NCAM2: variants seen among roughly 807,000 people sequenced by gnomAD.
NCAM2 encodes the protein N-CAM-2.
NCAM2 carries 30 observed loss-of-function variants against 98.1 expected under a neutral mutation model. The observed-to-expected ratio is 0.31, with a 90% CI of 0.23 to 0.41. The LOEUF (loss-of-function observed/expected upper bound fraction) is 0.41, where lower values mean the gene tolerates loss of function less well. Ranked by LOEUF, NCAM2 falls within the 10% of genes least tolerant of loss-of-function variation. NCAM2 has a pLI of 1.00. For synonymous variants in NCAM2, 368 were observed against 342.4 expected (o/e 1.07, Z -0.83); for missense variants, 867 against 1,005.8 (o/e 0.86, Z 1.87).
chr21:21,060,726 A>G (rs910222712), intron 1 of NCAM2, among the ~76,000 whole-genome samples: 1 of 152,148 alleles, frequency 6.6e-6, no homozygotes, highest in African/African-American at 2.4e-5. Context: ...ATTTACCCAC[A>G]CATATAGTTT....
chr21:21,005,449 T>A (rs556344471), intron 1 of NCAM2, among the ~76,000 whole-genome samples: 1 of 152,334 alleles, frequency 6.6e-6, no homozygotes, highest in Non-Finnish European at 1.5e-5. Flanking sequence ...TTTCAGTAAT[T>A]TTTAACTTGT....
At chr21:21,428,375 G>C (rs2077260222) in intron 11 of NCAM2, among the ~76,000 whole-genome samples, 1 of 152,178 alleles carries the variant, frequency 6.6e-6, no homozygotes, top group African/African-American at 2.4e-5. Context: ...TACACCCAGT[G>C]CATTAGATAA....
chr21:21,404,884 A>G (rs537920643), intron 9 of NCAM2, among the ~76,000 whole-genome samples: 78 of 151,482 alleles, frequency 5.1e-4, no homozygotes, highest in African/African-American at 1.8e-3. Flanking sequence ...TACAAAAGCA[A>G]CTTTACAATA....
At chr21:21,513,088 A>G (rs1157975220) in intron 16 of NCAM2, among the ~76,000 whole-genome samples, 1 of 151,994 alleles carries the variant, frequency 6.6e-6, no homozygotes, top group Non-Finnish European at 1.5e-5. Context: ...TATCTTTCTT[A>G]ATTGCCCTGG....
intron 12 of NCAM2, among the ~76,000 whole-genome samples, chr21:21,438,831 CCAA>C (rs1978794283): frequency 2.0e-5 from 3 of 151,878 alleles, no homozygotes; most frequent in African/African-American, 7.3e-5. Flanking sequence ...GCTTGTGAAA[CCAA>C]CATTTTGGGA....
chr21:21,098,464 TA>T (rs1455996957), intron 1 of NCAM2, among the ~76,000 whole-genome samples: 2 of 151,796 alleles, frequency 1.3e-5, no homozygotes, highest in Non-Finnish European at 2.9e-5. Flanking sequence ...CATATTATAT[TA>T]AACATATCCA....
intron 12 of NCAM2, among the ~76,000 whole-genome samples, chr21:21,463,482 T>A (rs1159847829): frequency 1.3e-5 from 2 of 152,164 alleles, no homozygotes; most frequent in African/African-American, 4.8e-5. Flanking sequence ...CTCTTCCCTA[T>A]AATTTTAAAG....
At position 21,361,227 on chromosome 21, in the gene NCAM2, T is replaced by TAC. The variant is rs143161852; in HGVS notation, c.1045-12622_1045-12621dup. ...TTAAAGCTATTCTTATTTCTCTTGA[T>TAC]ACACACACACACACAAACACATACA... On this transcript the variant is annotated intron_variant, in intron 8 of 17. Coordinates refer to ENST00000400546, the MANE Select transcript of NCAM2 (RefSeq NM_004540.5). 6.3e-4 allele frequency among the ~76,000 whole-genome samples: 95 copies of TAC among 151,556 alleles called. 1 individual carries two copies. Among genetic ancestry groups the TAC allele is most frequent in the Admixed American group, 2.6e-4 (4 of 15,202 alleles).
At chr21:21,082,035 C>A (rs1334704710) in intron 1 of NCAM2, among the ~76,000 whole-genome samples, 2 of 151,488 alleles carry the variant, frequency 1.3e-5, no homozygotes, top group African/African-American at 4.9e-5. Context: ...CGAGACCAGC[C>A]TGACCAACAA....
intron 1 of NCAM2, among the ~76,000 whole-genome samples, chr21:21,177,714 C>T (rs963212643): frequency 6.6e-6 from 1 of 151,670 alleles, no homozygotes; most frequent in African/African-American, 2.4e-5. Flanking sequence ...TCTCTCCCCT[C>T]TCCTTCTCTT....
chr21:21,045,668 A>G (rs2064994847), intron 1 of NCAM2, among the ~76,000 whole-genome samples: 1 of 152,004 alleles, frequency 6.6e-6, no homozygotes, highest in African/African-American at 2.4e-5. Context: ...AAAAAAAGGA[A>G]CCAGATGTTA....
chr21:21,027,903 C>G (rs1162165415), intron 1 of NCAM2, among the ~76,000 whole-genome samples: 2 of 150,594 alleles, frequency 1.3e-5, no homozygotes, highest in African/African-American at 4.9e-5. Flanking sequence ...GTTGCCCAGG[C>G]TGGAGTGCGG....
intron 1 of NCAM2, among the ~76,000 whole-genome samples, chr21:21,248,623 A>C (rs934402595): frequency 3.3e-5 from 5 of 151,678 alleles, no homozygotes; most frequent in Non-Finnish European, 5.9e-5. Context: ...AAAAATACAA[A>C]AAAATTAGCT....
chr21:21,107,988 C>T (rs922957490), intron 1 of NCAM2, among the ~76,000 whole-genome samples: 3 of 151,760 alleles, frequency 2.0e-5, no homozygotes, highest in Non-Finnish European at 2.9e-5. Context: ...TCTTGGTGTA[C>T]GTTGTAGGGA....
At chr21:21,206,594 G>A (rs1040127798) in intron 1 of NCAM2, among the ~76,000 whole-genome samples, 6 of 152,196 alleles carry the variant, frequency 3.9e-5, no homozygotes, top group Admixed American at 2.0e-4. Flanking sequence ...AAGAACCTAC[G>A]TGTAGGGAAC....
intron 1 of NCAM2, among the ~76,000 whole-genome samples, chr21:21,175,584 T>C (rs1188297559): frequency 6.6e-6 from 1 of 152,064 alleles, no homozygotes; most frequent in Non-Finnish European, 1.5e-5. Context: ...ACATTAAAGA[T>C]AGCAAGAAGT....
rs139698775 is a variant in NCAM2, at chr21:21,219,755, G to A, written c.56-60823G>A. On this transcript the variant is annotated intron_variant, in intron 1 of 17. Coordinates refer to ENST00000400546, the MANE Select transcript of NCAM2 (RefSeq NM_004540.5). ...CAGCCTCATGCTGGTCTTTCAGGAG[G>A]TATTTCAGATGGCAGTTACCATAGG... is the stretch of plus-strand genomic sequence containing the variant. 4.3e-4 allele frequency among the ~76,000 whole-genome samples: 66 copies of A among 152,278 alleles called. No individual in the cohort carries two copies. In the East Asian group the frequency reaches 0.012, roughly 29 times the overall value.
chr21:21,210,146 G>A (rs913653288), intron 1 of NCAM2, among the ~76,000 whole-genome samples: 1 of 152,134 alleles, frequency 6.6e-6, no homozygotes, highest in Admixed American at 6.5e-5. Flanking sequence ...ATTGTTTTCT[G>A]TTATCTCTAA....
chr21:21,491,379 G>A lies in NCAM2; in HGVS notation c.2077+13908G>A, dbSNP rs188260842. Reference sequence around the variant, plus strand: ...AAGTCCATAAAGGAAATATAAACACGTAAAGTGATTTTTCTCCAGTTCCTT... The same window carrying A: ...AAGTCCATAAAGGAAATATAAACACATAAAGTGATTTTTCTCCAGTTCCTT... On this transcript the variant is annotated intron_variant, in intron 15 of 17. Coordinates refer to ENST00000400546, the MANE Select transcript of NCAM2 (RefSeq NM_004540.5). 1.8e-3 allele frequency among the ~76,000 whole-genome samples: 267 copies of A among 151,780 alleles called. 1 individual carries two copies. The highest frequency in any genetic ancestry group is 6.2e-3 in the African/African-American group (257 of 41,496).
Sources: gnomAD v4.1 joint callset for allele counts (sites outside exome capture counted in the v4.1 genomes callset) on GRCh38, gnomAD v4.1.1 for gene constraint, MANE v1.5 for transcripts, NCBI Gene and HGNC (gene_info 2026-07-23, HGNC 2026-07-21) for gene names.